The following SH2D5 variants were observed in gnomAD, a reference collection of about 807,000 sequenced individuals.
The protein encoded by SH2D5 is SH2 domain-containing protein 5.
SH2D5 carries 45 observed loss-of-function variants against 48.2 expected under a neutral mutation model. The ratio of observed to expected loss-of-function variants is 0.93; its 90% CI spans 0.73 to 1.20. The LOEUF (loss-of-function observed/expected upper bound fraction) is 1.20, where lower values mean the gene tolerates loss of function less well. Ranked by LOEUF, SH2D5 falls within the 50% of genes most tolerant of loss-of-function variation. SH2D5 has a pLI of 0.00. For missense variants in SH2D5, 538 were observed against 584.1 expected (o/e 0.92, Z 0.81); for synonymous variants, 230 against 249.8 (o/e 0.92, Z 0.75).
chr1:20,728,446 G>A lies in SH2D5; in HGVS notation c.-42-360C>T, dbSNP rs1022355795. On this transcript the variant is annotated intron_variant, in intron 1 of 9. Transcript: ENST00000444387. The surrounding 1 kb of genome is among the most constrained non-coding windows in gnomAD (Gnocchi z 4.3). ...GGGTCAAGATCTGAAGGGTGTGGCG[G>A]TACATGCCCAGGGTCACTCAAAAAC... 6.6e-6 allele frequency among the ~76,000 whole-genome samples: 1 copy of A among 152,140 alleles called. No homozygotes were observed. The highest frequency in any genetic ancestry group is 1.5e-5 in the Non-Finnish European group (1 of 68,002).
At chr1:20,725,688 T>G (rs2054781741) in intron 5 of SH2D5, among the ~76,000 whole-genome samples, 1 of 152,176 alleles carries the variant, frequency 6.6e-6, no homozygotes, top group Admixed American at 6.5e-5. Flanking sequence ...CTCTCCACTC[T>G]CTAAGCGCGT....
rs1391459840 is a variant in SH2D5, at chr1:20,728,416, G to A, written c.-42-330C>T. 6.6e-6 allele frequency among the ~76,000 whole-genome samples: 1 copy of A among 152,218 alleles called. No homozygotes were observed. Among genetic ancestry groups the A allele is most frequent in the Non-Finnish European group, 1.5e-5 (1 of 68,030 alleles). On this transcript the variant is annotated intron_variant, in intron 1 of 9. Coordinates refer to ENST00000444387, the MANE Select transcript of SH2D5 (RefSeq NM_001103161.2). The surrounding 1 kb of genome is among the most constrained non-coding windows in gnomAD (Gnocchi z 4.3). ...TGGGAAGCCCTCACTGAGGAGGGGA[G>A]GTCTGGGTCAAGATCTGAAGGGTGT... is the stretch of plus-strand genomic sequence containing the variant.
Position 20,723,673 on chromosome 1 carries a change from G to A in SH2D5, c.861C>T (p.Ser287=), listed in dbSNP as rs201490970. Residue 287 remains serine, a synonymous_variant, in exon 8 of 10, where the codon AGC becomes AGT. Coordinates refer to ENST00000444387, the MANE Select transcript of SH2D5 (RefSeq NM_001103161.2). ...AGATGTTCTCCGTCAGGCTGCCCTC[G>A]CTCTCCACCAGGCACGAGTGGCCAC... ...GPGGHSCLVE[S]EGSLTENIWA... is the part of the protein sequence containing the mutation. 8.1e-6 allele frequency: 13 copies of A among 1,613,074 alleles called. No homozygotes were observed. The highest frequency in any genetic ancestry group is 1.7e-4 in the Middle Eastern group (1 of 6,056).
rs767305188 is a variant in SH2D5 at position 20,726,985 on chromosome 1, C to A, written c.243+16G>T. ...GTACCCCTCCAGTCCTCACCTGCAC[C>A]CACAGGGGTTCCTACCTCACCCTCC... On this transcript the variant is annotated intron_variant, in intron 4 of 9. Coordinates refer to ENST00000444387, the MANE Select transcript of SH2D5 (RefSeq NM_001103161.2). 1.2e-6 allele frequency: 2 copies of A among 1,605,166 alleles called. No homozygotes were observed. The highest frequency in any genetic ancestry group is 8.5e-7 in the Non-Finnish European group (1 of 1,175,486).
chr1:20,724,717 C>G (rs2054763106), intron 5 of SH2D5, 82 bp from the exon 6 acceptor site: 1 of 1,420,436 alleles, frequency 7.0e-7, no homozygotes, highest in Non-Finnish European at 9.2e-7. Flanking sequence ...GCCCACTCAC[C>G]ATGGGTGCAT....
chr1:20,727,736 G>A (rs564231002), intron 2 of SH2D5, 133 bp from the exon 3 acceptor site: 17 of 973,564 alleles, frequency 1.7e-5, no homozygotes, highest in African/African-American at 1.1e-4. Context: ...CTCGATTCTC[G>A]GAGCCCAGGC....
intron 1 of SH2D5, among the ~76,000 whole-genome samples, chr1:20,730,506 C>A (rs555106204): frequency 2.0e-5 from 3 of 152,186 alleles, no homozygotes; most frequent in Non-Finnish European, 4.4e-5. Context: ...CTCTTAGGGG[C>A]CCCAGCCCAC....
chr1:20,722,777 G>A lies in SH2D5; in HGVS notation c.1047C>T (p.His349=), dbSNP rs959886795. The part of the protein sequence containing the change: ...GVVPHQVFRN[H]LGRYCLEHLP... ...TTACCTCCAAGCAGTAGCGGCCCAG[G>A]TGGTTCCGGAAGACCTGGTGGGGCA... Residue 349 remains histidine, a synonymous_variant, in exon 9 of 10, where the codon CAC becomes CAT. Transcript: ENST00000444387. 29 of 1,557,458 alleles carry A rather than the reference G, an allele frequency of 1.9e-5. No homozygotes were observed. The Middle Eastern group carries it at 1.7e-3, about 93-fold the overall frequency.
intron 4 of SH2D5, among the ~76,000 whole-genome samples, chr1:20,726,732 G>A (rs936172623): frequency 1.3e-5 from 2 of 152,136 alleles, no homozygotes; most frequent in Non-Finnish European, 2.9e-5. Context: ...TCAGTGGGCT[G>A]GATGTTCCTG....
intron 7 of SH2D5, 110 bp from the exon 8 acceptor site, chr1:20,723,844 C>T: frequency 9.7e-7 from 1 of 1,027,076 alleles, no homozygotes; most frequent in South Asian, 1.5e-5. Flanking sequence ...CTCTACCCTG[C>T]TCAGCAGACA....
intron 1 of SH2D5, among the ~76,000 whole-genome samples, chr1:20,730,065 C>T: frequency 6.6e-6 from 1 of 152,122 alleles, no homozygotes; most frequent in East Asian, 1.9e-4. Context: ...GGGGGGCTTC[C>T]AGTGAAGCCG....
Position 20,720,322 on chromosome 1 carries a change from G to C in SH2D5, c.*1470C>G, listed in dbSNP as rs1338950228. The C allele has an allele frequency of 2.0e-5, 3 of 152,262 alleles. No individual in the cohort carries two copies. The highest frequency in any genetic ancestry group is 2.0e-4 in the Admixed American group (3 of 15,294). The allele number at this position is 152,262 out of a possible 1,614,324, so 9.4% of individuals were successfully genotyped here. A position where few individuals can be genotyped will look rare whatever the true frequency, so the allele number is the denominator to read the frequency against. On this transcript the variant is annotated 3_prime_UTR_variant, in exon 10 of 10. Transcript: ENST00000444387. The stretch of plus-strand genomic sequence containing the variant: ...CACTTAACTTGCAAGGAAGTTACAA[G>C]GTCCCAGGCCAAGCCCCTCTCCTCA...
chr1:20,730,190 G>A (rs540326434), intron 1 of SH2D5, among the ~76,000 whole-genome samples: 1 of 152,074 alleles, frequency 6.6e-6, no homozygotes, highest in Admixed American at 6.6e-5. Context: ...AGGTACGGAC[G>A]ATGGAGGGGT....
Position 20,721,728 on chromosome 1 carries a change from A to C in SH2D5, c.*64T>G. On this transcript the variant is annotated 3_prime_UTR_variant, in exon 10 of 10. Transcript: ENST00000444387. ...GCAACCAGAGGGGTGCAGGACGGGC[A>C]GAGATGCTGCTGGGGCCCAGGAGCC... 16 of 1,411,474 alleles carry C rather than the reference A, an allele frequency of 1.1e-5. No individual in the cohort carries two copies. Among genetic ancestry groups the C allele is most frequent in the Non-Finnish European group, 1.4e-5 (15 of 1,058,952 alleles). 87.4% of individuals were successfully genotyped at this position (1,411,474 alleles called of 1,614,324 possible).
intron 9 of SH2D5, 64 bp from the exon 10 acceptor site, chr1:20,722,059 C>T (rs1351149631): frequency 6.8e-7 from 1 of 1,480,704 alleles, no homozygotes; most frequent in Non-Finnish European, 9.2e-7. Flanking sequence ...GCACCAGCCA[C>T]CCGCTCCCAC....
intron 2 of SH2D5, 73 bp from the exon 3 acceptor site, chr1:20,727,676 C>G: frequency 7.4e-7 from 1 of 1,346,062 alleles, no homozygotes; most frequent in Non-Finnish European, 1.0e-6. Context: ...CCTCCAAATT[C>G]CCCCCAAACA....
intron 6 of SH2D5, 61 bp from the exon 7 acceptor site, chr1:20,724,312 T>A: frequency 6.2e-7 from 1 of 1,602,708 alleles, no homozygotes; most frequent in Non-Finnish European, 8.5e-7. Context: ...TCAGGCCAAG[T>A]GAAGCCCCTG....
chr1:20,725,932 G>T lies in SH2D5; in HGVS notation c.378C>A (p.Ser126Arg), dbSNP rs1243557968. The part of the protein sequence containing the change: ...SKLFCHLFVG[S>R]QPGEVQILHL... Reference sequence around the variant, plus strand: ...AAGCCCCAGATACCTCTCCTGGCTGGCTGCCCACAAAGAGGTGGCAGAAGA... The same window carrying T: ...AAGCCCCAGATACCTCTCCTGGCTGTCTGCCCACAAAGAGGTGGCAGAAGA... Residue 126 changes from serine (S) to arginine (R), a missense_variant, in exon 5 of 10, where the codon AGC (serine) becomes AGA (arginine). By Grantham distance (110) the Ser-to-Arg change is moderately radical (BLOSUM62 -1). Coordinates refer to ENST00000444387, the MANE Select transcript of SH2D5 (RefSeq NM_001103161.2). 1.2e-6 allele frequency: 2 copies of T among 1,613,150 alleles called. No individual in the cohort carries two copies. Among genetic ancestry groups the T allele is most frequent in the Non-Finnish European group, 1.7e-6 (2 of 1,179,954 alleles).
chr1:20,730,359 C>G (rs970036687), intron 1 of SH2D5, among the ~76,000 whole-genome samples: 1 of 151,536 alleles, frequency 6.6e-6, no homozygotes, highest in Non-Finnish European at 1.5e-5. Flanking sequence ...TGGGGAGGAG[C>G]CGTGCGGGCA....
Sources: gnomAD v4.1 joint callset for allele counts (sites outside exome capture counted in the v4.1 genomes callset) on GRCh38, gnomAD v4.1.1 for gene constraint, Gnocchi (gnomAD v3.1) non-coding constraint, MANE v1.5 for transcripts, NCBI Gene and HGNC (gene_info 2026-07-23, HGNC 2026-07-21) for gene names.